The following STXBP5L variants were observed in gnomAD, a reference collection of about 807,000 sequenced individuals.
STXBP5L encodes syntaxin binding protein 5L.
In STXBP5L, 65 loss-of-function variants were observed where a neutral mutation model predicts 144.5. The ratio of observed to expected loss-of-function variants is 0.45; its 90% CI spans 0.37 to 0.55. STXBP5L has a LOEUF of 0.55. STXBP5L is among the 20% of genes least tolerant of loss of function. STXBP5L has a pLI of 0.00. For missense variants in STXBP5L, 1,298 were observed against 1,405.5 expected (o/e 0.92, Z 1.22); for synonymous variants, 505 against 469.6 (o/e 1.08, Z -0.97).
intron 20 of STXBP5L, among the ~76,000 whole-genome samples, chr3:121,325,433 G>T (rs2044112566): frequency 6.6e-6 from 1 of 151,884 alleles, no homozygotes; most frequent in Non-Finnish European, 1.5e-5. Flanking sequence ...AGTTATATTT[G>T]TTTTTTCCCT....
intron 6 of STXBP5L, among the ~76,000 whole-genome samples, chr3:121,116,835 C>T (rs1045533105): frequency 6.6e-6 from 1 of 151,756 alleles, no homozygotes; most frequent in African/African-American, 2.4e-5. Flanking sequence ...AATATTGTTT[C>T]AGGATATTGA....
chr3:121,274,792 G>A (rs1249031703), intron 18 of STXBP5L, among the ~76,000 whole-genome samples: 2 of 152,272 alleles, frequency 1.3e-5, no homozygotes, highest in East Asian at 3.9e-4. Context: ...TGGTCCCAGG[G>A]GTGATGAGAC....
intron 3 of STXBP5L, among the ~76,000 whole-genome samples, chr3:120,976,292 A>T (rs1941003597): frequency 6.6e-6 from 1 of 152,096 alleles, no homozygotes; most frequent in South Asian, 2.1e-4. Context: ...TGTGTCCAGG[A>T]ATTTATCCAT....
intron 5 of STXBP5L, among the ~76,000 whole-genome samples, chr3:121,051,388 C>G (rs1947979242): frequency 1.3e-5 from 2 of 152,178 alleles, no homozygotes; most frequent in African/African-American, 2.4e-5. Context: ...CAAACTGTCT[C>G]TCAGACAACA....
At chr3:121,290,830 C>A (rs1378174827) in intron 19 of STXBP5L, among the ~76,000 whole-genome samples, 6 of 152,038 alleles carry the variant, frequency 3.9e-5, no homozygotes, top group Admixed American at 6.6e-5. Context: ...GCAGAAAAAG[C>A]ATTTGATAAA....
intron 9 of STXBP5L, among the ~76,000 whole-genome samples, chr3:121,169,359 C>A (rs1280705167): frequency 1.3e-5 from 2 of 152,010 alleles, no homozygotes; most frequent in South Asian, 2.1e-4. Flanking sequence ...TACATATAAA[C>A]GGGCTAAATG....
At chr3:121,318,649 T>A in intron 20 of STXBP5L, 109 bp downstream of exon 20, 1 of 721,122 alleles carries the variant, frequency 1.4e-6, no homozygotes. Context: ...TAATTAGGTA[T>A]AATTCCATTC....
At chr3:121,384,975 T>C (rs1463581261) in intron 22 of STXBP5L, among the ~76,000 whole-genome samples, 1 of 152,056 alleles carries the variant, frequency 6.6e-6, no homozygotes, top group African/African-American at 2.4e-5. Flanking sequence ...TCTATAATGA[T>C]CAGTTCTGCC....
chr3:121,416,156 G>A (rs2047226645), intron 25 of STXBP5L, among the ~76,000 whole-genome samples, 188 bp downstream of exon 25: 1 of 151,530 alleles, frequency 6.6e-6, no homozygotes, highest in Non-Finnish European at 1.5e-5. Flanking sequence ...TTACCAACAT[G>A]GAAAGTGGTC....
At chr3:120,940,384 TG>T (rs1464091476) in intron 2 of STXBP5L, among the ~76,000 whole-genome samples, 25 of 151,818 alleles carry the variant, frequency 1.6e-4, no homozygotes. Context: ...TACTGCGAAA[TG>T]GAATACCAAA....
intron 7 of STXBP5L, among the ~76,000 whole-genome samples, chr3:121,124,767 G>T (rs1339118706): frequency 1.3e-5 from 2 of 151,486 alleles, no homozygotes; most frequent in Non-Finnish European, 1.5e-5. Context: ...TATCTTTTTT[G>T]TTTTATTGAC....
chr3:121,001,437 A>G (rs1305167881), intron 3 of STXBP5L, among the ~76,000 whole-genome samples: 1 of 152,188 alleles, frequency 6.6e-6, no homozygotes, highest in African/African-American at 2.4e-5. Context: ...TGACAGTCAA[A>G]AAATACCTAA....
chr3:120,978,114 C>T (rs1392920797), intron 3 of STXBP5L, among the ~76,000 whole-genome samples: 2 of 152,138 alleles, frequency 1.3e-5, no homozygotes, highest in African/African-American at 4.8e-5. Flanking sequence ...TGGGGAAATT[C>T]TCCTGGATAA....
intron 3 of STXBP5L, among the ~76,000 whole-genome samples, chr3:120,989,836 C>A (rs987223772): frequency 1.3e-5 from 2 of 152,084 alleles, no homozygotes; most frequent in South Asian, 4.1e-4. Context: ...TATCCATATA[C>A]CCACAGCCAA....
At chr3:121,323,820 C>A (rs2044056442) in intron 20 of STXBP5L, among the ~76,000 whole-genome samples, 1 of 152,038 alleles carries the variant, frequency 6.6e-6, no homozygotes, top group Non-Finnish European at 1.5e-5. Flanking sequence ...TGCTAACAAT[C>A]AGCCCTAGCT....
chr3:121,290,030 C>G (rs184440523), intron 19 of STXBP5L, among the ~76,000 whole-genome samples: 18 of 151,544 alleles, frequency 1.2e-4, no homozygotes, highest in Admixed American at 1.2e-3. Context: ...CCAAACCCAG[C>G]AGAAAAAAAG....
intron 20 of STXBP5L, among the ~76,000 whole-genome samples, chr3:121,348,371 G>T (rs1299867126): frequency 6.6e-6 from 1 of 152,114 alleles, no homozygotes; most frequent in African/African-American, 2.4e-5. Flanking sequence ...GTATTTTATT[G>T]AGGATTTTTG....
chr3:121,136,762 T>A (rs992619604), intron 7 of STXBP5L, among the ~76,000 whole-genome samples: 1 of 152,266 alleles, frequency 6.6e-6, no homozygotes, highest in Admixed American at 6.5e-5. Flanking sequence ...TGTTCTACCA[T>A]AAAGACACAT....
At chr3:121,378,280 T>TA (rs1425235950) in intron 20 of STXBP5L, among the ~76,000 whole-genome samples, 2 of 152,234 alleles carry the variant, frequency 1.3e-5, no homozygotes, top group African/African-American at 4.8e-5. Flanking sequence ...GGTGCATGTA[T>TA]ACCTATGTAA....
Sources: gnomAD v4.1 joint callset for allele counts (sites outside exome capture counted in the v4.1 genomes callset) on GRCh38, gnomAD v4.1.1 for gene constraint, MANE v1.5 for transcripts, NCBI Gene and HGNC (gene_info 2026-07-23, HGNC 2026-07-21) for gene names.